Variants in DOCK2 observed in about 807,000 individuals in gnomAD.
The protein encoded by DOCK2 is dedicator of cytokinesis 2.
In DOCK2, 87 loss-of-function variants were observed where a neutral mutation model predicts 248.9. The ratio of observed to expected loss-of-function variants is 0.35; its 90% CI spans 0.29 to 0.42. DOCK2 has a LOEUF of 0.42. Among genes scored for constraint, DOCK2 ranks in the 10% least tolerant of loss-of-function variants. The pLI, the probability that DOCK2 is intolerant of heterozygous loss-of-function variation, is 1.00. For synonymous variants in DOCK2, 805 were observed against 821.6 expected, an observed-to-expected ratio of 0.98 and a Z score of 0.35; for missense variants, 1,747 against 2,300.2, an observed-to-expected ratio of 0.76 and a Z score of 4.92.
At chr5:169,806,629 G>A (rs1055096904) in intron 26 of DOCK2, among the ~76,000 whole-genome samples, 7 of 152,086 alleles carry the variant, frequency 4.6e-5, no homozygotes, top group Admixed American at 2.6e-4. Flanking sequence ...CCCACCCTTC[G>A]CTTATTTTAC....
intron 25 of DOCK2, among the ~76,000 whole-genome samples, chr5:169,765,195 T>C (rs1764709769): frequency 1.3e-5 from 2 of 152,152 alleles, no homozygotes; most frequent in African/African-American, 4.8e-5. Flanking sequence ...ACTTAATCCT[T>C]GTAAGTCTTA....
In DOCK2 at chr5:170,003,929, C is replaced by T. The variant is rs1754927154; in HGVS notation, c.3073-4568C>T. ...TTCCCACAGAGCCCCATGGCCAAAA[C>T]TGGGCAGGGGCTATGGGTGAGGTAC... On this transcript the variant is annotated intron_variant, in intron 30 of 51. Transcript: ENST00000520908. Among the ~76,000 whole-genome samples the T allele has an allele frequency of 2.6e-5, 4 of 152,208 alleles. No homozygotes were observed. In the South Asian group the frequency reaches 8.3e-4, roughly 32 times the overall value.
chr5:170,047,760 C>T (rs1010489755), intron 40 of DOCK2, 146 bp downstream of exon 40: 2 of 630,168 alleles, frequency 3.2e-6, no homozygotes, highest in Admixed American at 3.1e-5. Context: ...GGAGACTCCC[C>T]AGTCAATAGC....
chr5:169,718,941 T>A lies in DOCK2; in HGVS notation c.2267+150T>A, dbSNP rs76093814. 2,575 of 1,061,142 alleles carry A rather than the reference T, an allele frequency of 2.4e-3. 45 individuals carry two copies. In the African/African-American group the frequency reaches 0.036, roughly 15 times the overall value. 65.7% of individuals were successfully genotyped at this position (1,061,142 alleles called of 1,614,324 possible). A position where few individuals can be genotyped will look rare whatever the true frequency, so the allele number is the denominator to read the frequency against. ...AGAATCCAACCTAGAGAGTAATGAA[T>A]ATGTAATAATTGTACCCTCTAAGTT... On this transcript the variant is annotated intron_variant, in intron 22 of 51. Transcript: ENST00000520908.
At chr5:170,053,116 C>T (rs974201931) in intron 41 of DOCK2, among the ~76,000 whole-genome samples, 1 of 152,234 alleles carries the variant, frequency 6.6e-6, no homozygotes, top group East Asian at 1.9e-4. Context: ...TCCGCGCATA[C>T]ATTCAGCCTG....
At chr5:169,912,665 C>T (rs183652321) in intron 27 of DOCK2, among the ~76,000 whole-genome samples, 30 of 151,970 alleles carry the variant, frequency 2.0e-4, no homozygotes, top group Non-Finnish European at 3.8e-4. Context: ...TACATTCATT[C>T]ATGTTGCATT....
rs576984371 is a variant in DOCK2, at chr5:169,841,001, G to A, written c.2799+149G>A. Reference sequence around the variant, plus strand: ...GACCAGATTTTTCCTGTCTGAGTTGGGAGGACTTGAGAATTAACTCAAGTT... The same window carrying A: ...GACCAGATTTTTCCTGTCTGAGTTGAGAGGACTTGAGAATTAACTCAAGTT... On this transcript the variant is annotated intron_variant, in intron 27 of 51. Transcript: ENST00000520908. The A allele has an allele frequency of 4.3e-4, 374 of 876,804 alleles. 9 individuals are homozygous for A. In the South Asian group the frequency reaches 6.0e-3, roughly 14 times the overall value. The allele number at this position is 876,804 out of a possible 1,614,324, so 54.3% of individuals were successfully genotyped here. A position where few individuals can be genotyped will look rare whatever the true frequency, so the allele number is the denominator to read the frequency against.
At chr5:170,074,755 A>G (rs1047289149) in intron 46 of DOCK2, among the ~76,000 whole-genome samples, 1 of 152,162 alleles carries the variant, frequency 6.6e-6, no homozygotes, top group Non-Finnish European at 1.5e-5. Flanking sequence ...CCTTCTTGGG[A>G]AAATGGGAAA....
At chr5:169,700,700 A>G (rs1561613903) in intron 13 of DOCK2, among the ~76,000 whole-genome samples, 1 of 152,144 alleles carries the variant, frequency 6.6e-6, no homozygotes, top group Non-Finnish European at 1.5e-5. Context: ...ATATAATATT[A>G]AACAAAAATT....
chr5:169,833,664 G>A (rs1305066817), intron 26 of DOCK2, among the ~76,000 whole-genome samples: 1 of 152,160 alleles, frequency 6.6e-6, no homozygotes, highest in African/African-American at 2.4e-5. Context: ...ATCTGGCCTA[G>A]GAGATGCCAG....
intron 47 of DOCK2, among the ~76,000 whole-genome samples, chr5:170,077,274 T>C (rs182578630): frequency 1.5e-3 from 228 of 152,274 alleles, no homozygotes; most frequent in Non-Finnish European, 2.8e-3. Flanking sequence ...TCATGATAGA[T>C]TGAACCATTG....
At position 170,057,573 on chromosome 5, in the gene DOCK2, C is replaced by T. The variant is rs200706266; in HGVS notation, c.4381-7C>T. On this transcript the variant is annotated splice_polypyrimidine_tract_variant and splice_region_variant and intron_variant, in intron 43 of 51. Transcript: ENST00000520908. ...CCTGCCCTTGCCACCCCTCTGCCCA[C>T]GGACAGTCCATGTGGATTGAGAGAA... 161 of 1,613,758 alleles carry T rather than the reference C, an allele frequency of 1.0e-4. No homozygotes were observed. Among genetic ancestry groups the T allele is most frequent in the South Asian group, 2.4e-4 (22 of 91,062 alleles).
chr5:169,833,843 G>C (rs1769390858), intron 26 of DOCK2, among the ~76,000 whole-genome samples: 2 of 152,162 alleles, frequency 1.3e-5, no homozygotes, highest in South Asian at 4.1e-4. Flanking sequence ...TGAAATCCTA[G>C]CAGTCCAAGA....
intron 27 of DOCK2, among the ~76,000 whole-genome samples, chr5:169,982,351 A>G (rs577835385): frequency 9.8e-5 from 15 of 152,304 alleles, no homozygotes; most frequent in African/African-American, 3.4e-4. Context: ...AGAAAAGGCT[A>G]TGCTGATGTC....
Position 169,992,560 on chromosome 5 carries a change from G to T in DOCK2, c.2994-3526G>T, listed in dbSNP as rs61461507. Among the ~76,000 whole-genome samples, 60 of 152,202 alleles carry T rather than the reference G, an allele frequency of 3.9e-4. No individual in the cohort carries two copies. In the East Asian group the frequency reaches 9.8e-3, roughly 25 times the overall value. Reference sequence around the variant, plus strand: ...GCTCACTGCAACCTCCAACTCCCTGGTTGAAGCAATTCTCCTGCCTCAGCC... The same window carrying T: ...GCTCACTGCAACCTCCAACTCCCTGTTTGAAGCAATTCTCCTGCCTCAGCC... On this transcript the variant is annotated intron_variant, in intron 29 of 51. Transcript: ENST00000520908.
intron 27 of DOCK2, among the ~76,000 whole-genome samples, chr5:169,861,017 T>C (rs759166436): frequency 1.3e-5 from 2 of 152,212 alleles, no homozygotes; most frequent in Non-Finnish European, 2.9e-5. Context: ...AAATTAGAGT[T>C]CAGGTGTCTG....
At chr5:169,958,308 C>A (rs1195357572) in intron 27 of DOCK2, among the ~76,000 whole-genome samples, 1 of 152,114 alleles carries the variant, frequency 6.6e-6, no homozygotes, top group African/African-American at 2.4e-5. Flanking sequence ...TAGATATGGT[C>A]TTTGCCTTCC....
At chr5:169,982,873 A>C (rs569060863) in intron 27 of DOCK2, among the ~76,000 whole-genome samples, 195 bp from the exon 28 acceptor site, 29 of 152,330 alleles carry the variant, frequency 1.9e-4, no homozygotes, top group African/African-American at 6.0e-4. Flanking sequence ...CTCTTTCCCC[A>C]GTGTGCGAAC....
At chr5:169,918,354 T>A (rs1774986924) in intron 27 of DOCK2, among the ~76,000 whole-genome samples, 1 of 152,170 alleles carries the variant, frequency 6.6e-6, no homozygotes, top group South Asian at 2.1e-4. Flanking sequence ...GCTCAGTATC[T>A]AACCTAGAAA....
Sources: gnomAD v4.1 joint callset for allele counts (sites outside exome capture counted in the v4.1 genomes callset) on GRCh38, gnomAD v4.1.1 for gene constraint, MANE v1.5 for transcripts, NCBI Gene and HGNC (gene_info 2026-07-23, HGNC 2026-07-21) for gene names.